ST8SIA1: variants seen among roughly 807,000 people sequenced by gnomAD.
ST8SIA1 encodes alpha-N-acetylneuraminide alpha-2,8-sialyltransferase.
In ST8SIA1, 16 loss-of-function variants were observed where a neutral mutation model predicts 35.9. That is an observed-to-expected ratio of 0.45 (90% CI 0.30 to 0.68). The LOEUF (loss-of-function observed/expected upper bound fraction) is 0.68, where lower values mean the gene tolerates loss of function less well. Ranked by LOEUF, ST8SIA1 falls within the 30% of genes least tolerant of loss-of-function variation. ST8SIA1 has a pLI of 0.09. For missense variants in ST8SIA1, 383 were observed against 453.6 expected, an observed-to-expected ratio of 0.84 and a Z score of 1.41; for synonymous variants, 170 against 169.6, an observed-to-expected ratio of 1.00 and a Z score of -0.02.
intron 4 of ST8SIA1, among the ~76,000 whole-genome samples, chr12:22,217,710 TACA>T (rs1865249428): frequency 6.6e-6 from 1 of 152,222 alleles, no homozygotes; most frequent in South Asian, 2.1e-4. Context: ...TAATAAGTCT[TACA>T]ACTACTAGCT....
rs892858040 is a variant in ST8SIA1, at chr12:22,196,144, T to G, written c.*5408A>C. The G allele has an allele frequency of 2.0e-5, 3 of 152,162 alleles. No individual in the cohort carries two copies. Among genetic ancestry groups the G allele is most frequent in the Non-Finnish European group, 4.4e-5 (3 of 68,036 alleles). The allele number at this position is 152,162 out of a possible 1,614,324, so 9.4% of individuals were successfully genotyped here. On this transcript the variant is annotated 3_prime_UTR_variant, in exon 5 of 5. Coordinates refer to ENST00000396037, the MANE Select transcript of ST8SIA1 (RefSeq NM_003034.4). The stretch of plus-strand genomic sequence containing the variant: ...TAAAATATAATTCCTCTTCTGTGCT[T>G]TAAAAAGTTAGAGTCATAGGCTTTG...
intron 2 of ST8SIA1, among the ~76,000 whole-genome samples, chr12:22,279,511 A>G (rs552648231): frequency 6.6e-6 from 1 of 152,118 alleles, no homozygotes; most frequent in Non-Finnish European, 1.5e-5. Context: ...GCTTCTTCTG[A>G]CCAGTACCCT....
intron 4 of ST8SIA1, among the ~76,000 whole-genome samples, chr12:22,213,857 G>T (rs1320769798): frequency 1.3e-5 from 2 of 152,198 alleles, no homozygotes; most frequent in African/African-American, 4.8e-5. Flanking sequence ...CTGATCTTTA[G>T]CTGGGAAGCA....
chr12:22,249,959 T>G (rs1170741485), intron 3 of ST8SIA1, among the ~76,000 whole-genome samples: 1 of 152,194 alleles, frequency 6.6e-6, no homozygotes, highest in Non-Finnish European at 1.5e-5. Context: ...CTGACTTGTG[T>G]GTGTGTGGCC....
intron 1 of ST8SIA1, among the ~76,000 whole-genome samples, chr12:22,318,821 G>C (rs1176611966): frequency 6.6e-6 from 1 of 152,190 alleles, no homozygotes; most frequent in African/African-American, 2.4e-5. Flanking sequence ...ATCAGGCTTT[G>C]ACTTGAAGCC....
rs139720474 is a variant in ST8SIA1, at chr12:22,322,138, G to A, written c.236+11859C>T. On this transcript the variant is annotated intron_variant, in intron 1 of 4. Coordinates refer to ENST00000396037, the MANE Select transcript of ST8SIA1 (RefSeq NM_003034.4). ...GGCACCACACTGAATGGACCAGAGT[G>A]GAGATTTGGGCCCTTTATGGACTGA... Among the ~76,000 whole-genome samples, 276 of 152,334 alleles carry A rather than the reference G, an allele frequency of 1.8e-3. 2 individuals are homozygous for A. The highest frequency in any genetic ancestry group is 6.4e-3 in the African/African-American group (267 of 41,578).
chr12:22,268,085 TA>T (rs1865867668), intron 2 of ST8SIA1, among the ~76,000 whole-genome samples: 1 of 152,220 alleles, frequency 6.6e-6, no homozygotes, highest in South Asian at 2.1e-4. Flanking sequence ...CTCAAGGGTA[TA>T]AACCATGTCT....
chr12:22,320,634 C>T (rs566393901), intron 1 of ST8SIA1, among the ~76,000 whole-genome samples: 3 of 151,950 alleles, frequency 2.0e-5, no homozygotes, highest in Non-Finnish European at 4.4e-5. Flanking sequence ...CGCTTCAGCC[C>T]AGGAGTTCGA....
chr12:22,309,934 C>G (rs942446319), intron 1 of ST8SIA1, among the ~76,000 whole-genome samples: 1 of 152,106 alleles, frequency 6.6e-6, no homozygotes, highest in African/African-American at 2.4e-5. Flanking sequence ...GAATTAGGTA[C>G]TTTTATTTAT....
intron 4 of ST8SIA1, among the ~76,000 whole-genome samples, chr12:22,208,888 T>G (rs1865144805): frequency 6.6e-6 from 1 of 152,140 alleles, no homozygotes; most frequent in South Asian, 2.1e-4. Context: ...AAATCTACTA[T>G]TCCATACATT....
At chr12:22,237,193 G>C (rs1373146444) in intron 4 of ST8SIA1, among the ~76,000 whole-genome samples, 1 of 152,120 alleles carries the variant, frequency 6.6e-6, no homozygotes, top group Non-Finnish European at 1.5e-5. Flanking sequence ...TGAACGCCTA[G>C]GCTCAAGTAA....
chr12:22,251,481 A>G (rs1865668982), intron 3 of ST8SIA1, among the ~76,000 whole-genome samples: 1 of 152,194 alleles, frequency 6.6e-6, no homozygotes, highest in Non-Finnish European at 1.5e-5. Flanking sequence ...ATGACAATAC[A>G]TTTTGGTGTA....
intron 1 of ST8SIA1, among the ~76,000 whole-genome samples, chr12:22,310,580 C>T (rs1002931381): frequency 6.6e-6 from 1 of 152,126 alleles, no homozygotes; most frequent in Non-Finnish European, 1.5e-5. Flanking sequence ...TGCATCTATG[C>T]TTTCTGGATA....
At chr12:22,309,075 A>T (rs1353056741) in intron 1 of ST8SIA1, among the ~76,000 whole-genome samples, 1 of 152,154 alleles carries the variant, frequency 6.6e-6, no homozygotes, top group Admixed American at 6.6e-5. Context: ...GAGATGTCTA[A>T]AGTATTGTAA....
At chr12:22,219,256 T>A (rs1276678780) in intron 4 of ST8SIA1, among the ~76,000 whole-genome samples, 1 of 152,338 alleles carries the variant, frequency 6.6e-6, no homozygotes, top group East Asian at 1.9e-4. Context: ...TGTGTTTTAA[T>A]TTTATTATAT....
chr12:22,235,620 G>A (rs1865468618), intron 4 of ST8SIA1, among the ~76,000 whole-genome samples: 1 of 152,160 alleles, frequency 6.6e-6, no homozygotes, highest in South Asian at 2.1e-4. Context: ...AAGATAATTA[G>A]CCAGTTTCAC....
At chr12:22,203,063 GCAC>G (rs779728034) in intron 4 of ST8SIA1, among the ~76,000 whole-genome samples, 4 of 152,138 alleles carry the variant, frequency 2.6e-5, no homozygotes, top group African/African-American at 4.8e-5. Context: ...ACTGCTTACA[GCAC>G]TTATGGCAAC....
chr12:22,269,389 A>T (rs1865885673), intron 2 of ST8SIA1, among the ~76,000 whole-genome samples: 1 of 152,192 alleles, frequency 6.6e-6, no homozygotes, highest in South Asian at 2.1e-4. Flanking sequence ...GTGATTTCTC[A>T]GCCCTCTGTT....
chr12:22,332,028 T>C (rs973185285), intron 1 of ST8SIA1, among the ~76,000 whole-genome samples: 2 of 152,208 alleles, frequency 1.3e-5, no homozygotes, highest in South Asian at 2.1e-4. Context: ...TCAAAAAATA[T>C]ACTAACTTGC....
Sources: gnomAD v4.1 joint callset for allele counts (sites outside exome capture counted in the v4.1 genomes callset) on GRCh38, gnomAD v4.1.1 for gene constraint, MANE v1.5 for transcripts, NCBI Gene and HGNC (gene_info 2026-07-23, HGNC 2026-07-21) for gene names.